The following SCN9A variants were observed in gnomAD, a reference collection of about 807,000 sequenced individuals.
SCN9A encodes sodium voltage-gated channel alpha subunit 9, also known as sodium channel protein type 9 subunit alpha.
In SCN9A, 131 loss-of-function variants were observed where a neutral mutation model predicts 187.0. The ratio of observed to expected loss-of-function variants is 0.70; its 90% CI spans 0.61 to 0.81. SCN9A has a LOEUF of 0.81. Ranked by LOEUF, SCN9A falls within the 30% of genes least tolerant of loss-of-function variation. The pLI is 0.00. For synonymous variants in SCN9A, 809 were observed against 808.6 expected (o/e 1.00, Z -0.01); for missense variants, 2,252 against 2,396.6 (o/e 0.94, Z 1.26).
intron 1 of SCN9A, among the ~76,000 whole-genome samples, chr2:166,342,024 T>G (rs1699798532): frequency 6.6e-6 from 1 of 152,214 alleles, no homozygotes. Flanking sequence ...TCTGCATGTG[T>G]GGCATAAATG....
intron 18 of SCN9A, among the ~76,000 whole-genome samples, chr2:166,244,773 T>A (rs1695714064): frequency 6.6e-6 from 1 of 152,066 alleles, no homozygotes; most frequent in Admixed American, 6.6e-5. Context: ...GTGAATCTCT[T>A]CTTAACTCTG....
At chr2:166,355,971 C>T (rs1321343644) in intron 1 of SCN9A, among the ~76,000 whole-genome samples, 1 of 152,108 alleles carries the variant, frequency 6.6e-6, no homozygotes, top group Non-Finnish European at 1.5e-5. Context: ...CAGGGTTTCA[C>T]CATGTTGGCC....
intron 19 of SCN9A, among the ~76,000 whole-genome samples, chr2:166,239,836 AC>A (rs1695489726): frequency 6.6e-6 from 1 of 152,182 alleles, no homozygotes; most frequent in African/African-American, 2.4e-5. Flanking sequence ...CCTCTCTCTG[AC>A]TGGTCCCAGA....
At chr2:166,326,199 C>G (rs1422385884) in intron 1 of SCN9A, among the ~76,000 whole-genome samples, 3 of 151,996 alleles carry the variant, frequency 2.0e-5, no homozygotes, top group African/African-American at 7.2e-5. Context: ...ATGTCAATAA[C>G]AAGATAAAGC....
chr2:166,253,335 G>A (rs1696128874), intron 17 of SCN9A, among the ~76,000 whole-genome samples: 1 of 151,586 alleles, frequency 6.6e-6, no homozygotes, highest in Non-Finnish European at 1.5e-5. Flanking sequence ...ATTCCCACCA[G>A]GTCCAGGAGT....
At chr2:166,374,461 C>G (rs1700638184) in intron 1 of SCN9A, among the ~76,000 whole-genome samples, 1 of 151,998 alleles carries the variant, frequency 6.6e-6, no homozygotes, top group South Asian at 2.1e-4. Context: ...ATAAGACTAG[C>G]TTTCAAACTA....
intron 1 of SCN9A, among the ~76,000 whole-genome samples, chr2:166,313,938 T>A (rs1167688028): frequency 6.6e-6 from 1 of 152,144 alleles, no homozygotes; most frequent in African/African-American, 2.4e-5. Context: ...AACATCGTTG[T>A]GTGTCAGGGA....
chr2:166,362,769 G>A (rs1477639383), intron 1 of SCN9A, among the ~76,000 whole-genome samples: 1 of 151,810 alleles, frequency 6.6e-6, no homozygotes, highest in Non-Finnish European at 1.5e-5. Flanking sequence ...CTTTGACCAG[G>A]AGGCTTGGAT....
At chr2:166,206,000 A>C (rs1214565125) in intron 24 of SCN9A, among the ~76,000 whole-genome samples, 1 of 152,194 alleles carries the variant, frequency 6.6e-6, no homozygotes, top group Non-Finnish European at 1.5e-5. Flanking sequence ...CAATCACTAA[A>C]AAGTCAGGAA....
chr2:166,303,001 A>T, intron 7 of SCN9A, 89 bp downstream of exon 7: 3 of 1,036,032 alleles, frequency 2.9e-6, no homozygotes, highest in Non-Finnish European at 4.3e-6. Flanking sequence ...CTTTGAAATG[A>T]TTAAAATGAA....
chr2:166,311,868 A>T, intron 1 of SCN9A, 62 bp from the exon 2 acceptor site: 1 of 963,308 alleles, frequency 1.0e-6, no homozygotes, highest in East Asian at 2.5e-5. Flanking sequence ...CCCATTAAAA[A>T]CTAATAATAA....
intron 7 of SCN9A, among the ~76,000 whole-genome samples, chr2:166,297,653 T>C (rs1698376925): frequency 1.3e-5 from 2 of 151,766 alleles, no homozygotes; most frequent in South Asian, 2.1e-4. Flanking sequence ...CTGGGTTTCT[T>C]GGTGGGAAAG....
chr2:166,332,338 C>T (rs1303324069), intron 1 of SCN9A, among the ~76,000 whole-genome samples: 3 of 152,168 alleles, frequency 2.0e-5, no homozygotes, highest in African/African-American at 7.2e-5. Flanking sequence ...GAGTACCCAA[C>T]AACTTCCAAT....
intron 2 of SCN9A, among the ~76,000 whole-genome samples, chr2:166,308,675 C>T (rs572334430): frequency 6.6e-6 from 1 of 152,136 alleles, no homozygotes; most frequent in Non-Finnish European, 1.5e-5. Context: ...GTGTTCCCAG[C>T]ACTTTGGGAG....
intron 20 of SCN9A, among the ~76,000 whole-genome samples, chr2:166,237,553 G>C (rs1273525670): frequency 1.3e-5 from 2 of 152,078 alleles, no homozygotes; most frequent in Non-Finnish European, 2.9e-5. Flanking sequence ...AATTGGGTCT[G>C]AGATAGATAT....
At chr2:166,263,398 A>G (rs1256514436) in intron 17 of SCN9A, among the ~76,000 whole-genome samples, 1 of 151,996 alleles carries the variant, frequency 6.6e-6, no homozygotes, top group African/African-American at 2.4e-5. Context: ...TTAGCATACA[A>G]AATCCCAACC....
rs201627313 is a variant in SCN9A at position 166,197,236 on chromosome 2, C to T, written c.*1436G>A. ...ATCTCATATTCCTGAAATAAACTCA[C>T]GAAAAAAAGCATTATGGTTATTTCT... is the stretch of plus-strand genomic sequence containing the variant. On this transcript the variant is annotated 3_prime_UTR_variant, in exon 27 of 27. Coordinates refer to ENST00000642356, the MANE Select transcript of SCN9A (RefSeq NM_001365536.1). The T allele has an allele frequency of 2.0e-5, 3 of 151,620 alleles. No individual in the cohort carries two copies. Among genetic ancestry groups the T allele is most frequent in the Non-Finnish European group, 2.9e-5 (2 of 67,888 alleles). 9.4% of individuals were successfully genotyped at this position (151,620 alleles called of 1,614,324 possible). A position where few individuals can be genotyped will look rare whatever the true frequency, so the allele number is the denominator to read the frequency against.
At chr2:166,281,532 G>A in intron 13 of SCN9A, 147 bp downstream of exon 13, 4 of 584,458 alleles carry the variant, frequency 6.8e-6, no homozygotes, top group Non-Finnish European at 1.1e-5. Context: ...AATTCCATCA[G>A]TATCCATTGG....
intron 1 of SCN9A, among the ~76,000 whole-genome samples, chr2:166,332,867 T>C (rs1445775576): frequency 6.6e-6 from 1 of 151,892 alleles, no homozygotes; most frequent in African/African-American, 2.4e-5. Flanking sequence ...AAGCCTTCCA[T>C]AAGCAACCTG....
Sources: allele counts gnomAD v4.1 joint callset (sites outside exome capture counted in the v4.1 genomes callset), GRCh38; gene constraint gnomAD v4.1.1; transcripts MANE v1.5; gene names NCBI Gene and HGNC (gene_info 2026-07-23, HGNC 2026-07-21).